The following KCTD14 variants were observed in gnomAD, a reference collection of about 807,000 sequenced individuals.
The protein encoded by KCTD14 is potassium channel tetramerization domain containing 14.
Under a neutral mutation model 5.9 loss-of-function variants are expected in KCTD14, and 7 were observed. That is an observed-to-expected ratio of 1.19 (90% CI 0.68 to 2.23). The LOEUF is 2.23. Among genes scored for constraint, KCTD14 ranks in the 30% most tolerant of loss-of-function variants. The probability of loss-of-function intolerance (pLI) is 0.00; values close to 1 mark genes in which losing one functional copy is unlikely to be tolerated. For missense variants in KCTD14, 342 were observed against 332.2 expected (o/e 1.03, Z -0.23); for synonymous variants, 140 against 133.1 (o/e 1.05, Z -0.36).
intron 1 of KCTD14, among the ~76,000 whole-genome samples, chr11:78,019,623 A>C (rs931118956): frequency 2.0e-5 from 3 of 152,184 alleles, no homozygotes; most frequent in Non-Finnish European, 2.9e-5. Context: ...AGCAAAAATG[A>C]AATTTGTTTG....
At chr11:78,028,599 T>C (rs76536655) in intron 2 of KCTD14, among the ~76,000 whole-genome samples, 9,903 of 117,508 alleles carry the variant, frequency 0.084, 1,154 homozygotes, top group African/African-American at 0.29. Flanking sequence ...CAAGTGTCCA[T>C]CTCAAAAAAA....
At chr11:78,036,844 T>C (rs1002694385) in intron 2 of KCTD14, among the ~76,000 whole-genome samples, 24 of 152,350 alleles carry the variant, frequency 1.6e-4, no homozygotes, top group Admixed American at 1.3e-3. Context: ...GGCTGCTACA[T>C]GCTAGGCCCC....
chr11:78,045,755 C>T (rs941585960), intron 1 of KCTD14, among the ~76,000 whole-genome samples: 1 of 152,062 alleles, frequency 6.6e-6, no homozygotes, highest in Admixed American at 6.6e-5. Context: ...GGAGACAGCC[C>T]CTCTTTATAA....
intron 1 of KCTD14, chr11:78,022,895 G>A (rs7945074): frequency 1.3e-5 from 6 of 469,828 alleles, no homozygotes; most frequent in Non-Finnish European, 2.3e-5. Flanking sequence ...CCAATGTAGA[G>A]GGAGGAAGCA....
At chr11:78,025,598 C>T (rs540431919), upstream of KCTD14, among the ~76,000 whole-genome samples, 18 of 152,298 alleles carry the variant, frequency 1.2e-4, no homozygotes, top group African/African-American at 2.4e-4. Flanking sequence ...AGGCTGAGTT[C>T]CCTTATGAGG....
chr11:78,017,110 G>A lies in KCTD14; in HGVS notation c.251C>T (p.Thr84Ile). ...GTAGTCCAGGATGGGTCTGAAATAG[G>A]TGCTGGGGCGGTCGATGAAGAAGCG... ...EGRFFIDRPS[T>I]YFRPILDYLR... Residue 84 changes from threonine (T) to isoleucine (I), a missense_variant, in exon 2 of 2, where the codon ACC becomes ATC. Transcript: ENST00000353172. 3.1e-6 allele frequency: 5 copies of A among 1,614,182 alleles called. No individual in the cohort carries two copies. Among genetic ancestry groups the A allele is most frequent in the Non-Finnish European group, 4.2e-6 (5 of 1,180,032 alleles).
chr11:78,019,250 G>C (rs1375241893), intron 1 of KCTD14, among the ~76,000 whole-genome samples: 2 of 152,144 alleles, frequency 1.3e-5, no homozygotes, highest in East Asian at 3.8e-4. Context: ...CTGACCTCAA[G>C]TGATCTGCCC....
At chr11:78,041,761 C>T (rs2136761551) in intron 1 of KCTD14, among the ~76,000 whole-genome samples, 1 of 152,380 alleles carries the variant, frequency 6.6e-6, no homozygotes, top group South Asian at 2.1e-4. Flanking sequence ...AGGGTGTCCT[C>T]TGTGCTCCTG....
chr11:78,016,368 T>A lies in KCTD14; in HGVS notation c.*225A>T, dbSNP rs1030792940. On this transcript the variant is annotated 3_prime_UTR_variant, in exon 2 of 2. Transcript: ENST00000353172. Reference sequence around the variant, plus strand: ...TCAAGAGAAGGGTCTGGGAGATACATGAGGCTTTGAAAAGGAAGTAGCTGC... The same window carrying A: ...TCAAGAGAAGGGTCTGGGAGATACAAGAGGCTTTGAAAAGGAAGTAGCTGC... 4 of 580,036 alleles carry A rather than the reference T, an allele frequency of 6.9e-6. No individual in the cohort carries two copies. Among genetic ancestry groups the A allele is most frequent in the Non-Finnish European group, 1.2e-5 (4 of 327,296 alleles). The allele number at this position is 580,036 out of a possible 1,614,324, so 35.9% of individuals were successfully genotyped here. A position where few individuals can be genotyped will look rare whatever the true frequency, so the allele number is the denominator to read the frequency against.
Position 78,028,408 on chromosome 11 carries a change from G to A in KCTD14, c.-1+10256C>T, listed in dbSNP as rs570607333. On this transcript the variant is annotated intron_variant, in intron 2 of 2. Coordinates refer to the KCTD14 transcript ENST00000533144. ...TCATGAGGTCAAGAGTTCAATACCAGCCTGGCCAGCATAGTGAAACCCCAT... is the reference window on the plus strand; with the variant it reads ...TCATGAGGTCAAGAGTTCAATACCAACCTGGCCAGCATAGTGAAACCCCAT... Among the ~76,000 whole-genome samples the A allele has an allele frequency of 1.4e-4, 21 of 152,170 alleles. No homozygotes were observed. In the East Asian group the frequency reaches 3.7e-3, roughly 27 times the overall value.
intron 1 of KCTD14, among the ~76,000 whole-genome samples, chr11:78,020,666 C>G (rs553344222): frequency 1.3e-5 from 2 of 152,336 alleles, no homozygotes; most frequent in East Asian, 3.9e-4. Context: ...CCACTGAAAG[C>G]TCTCAGGTCC....
chr11:78,023,133 C>A, intron 1 of KCTD14, 27 bp downstream of exon 1: 1 of 1,446,794 alleles, frequency 6.9e-7, no homozygotes, highest in Non-Finnish European at 9.5e-7. Flanking sequence ...GACAGAGGCG[C>A]GGGGACGCAG....
chr11:78,023,480 T>C (rs1857363216), upstream of KCTD14: 2 of 519,528 alleles, frequency 3.8e-6, no homozygotes, highest in East Asian at 3.5e-5. Context: ...ACTGACCTTT[T>C]GATATAGATT....
At chr11:78,045,884 A>T (rs998007747) in intron 1 of KCTD14, among the ~76,000 whole-genome samples, 5 of 151,868 alleles carry the variant, frequency 3.3e-5, no homozygotes, top group African/African-American at 9.7e-5. Flanking sequence ...CCCCCACCCC[A>T]CCCAGGAAGA....
chr11:78,044,587 A>G (rs1207691329), intron 1 of KCTD14, among the ~76,000 whole-genome samples: 1 of 152,214 alleles, frequency 6.6e-6, no homozygotes, highest in Non-Finnish European at 1.5e-5. Context: ...CATGCCGCAC[A>G]GGAGACGGAG....
chr11:78,019,247 C>T (rs1857252015), intron 1 of KCTD14, among the ~76,000 whole-genome samples: 1 of 152,146 alleles, frequency 6.6e-6, no homozygotes, highest in South Asian at 2.1e-4. Flanking sequence ...CTCCTGACCT[C>T]AAGTGATCTG....
At chr11:78,029,387 T>A (rs1857555783) in intron 2 of KCTD14, among the ~76,000 whole-genome samples, 1 of 152,146 alleles carries the variant, frequency 6.6e-6, no homozygotes, top group South Asian at 2.1e-4. Context: ...ATGGGCACCC[T>A]ATTTACTGCT....
chr11:78,040,726 A>C (rs933394341), intron 1 of KCTD14, among the ~76,000 whole-genome samples: 5 of 151,722 alleles, frequency 3.3e-5, no homozygotes, highest in Admixed American at 2.6e-4. Context: ...TCTGCAGTGC[A>C]ATGGCGTGAT....
upstream of KCTD14, among the ~76,000 whole-genome samples, chr11:78,025,494 A>G (rs903159982): frequency 1.3e-5 from 2 of 152,162 alleles, no homozygotes; most frequent in African/African-American, 4.8e-5. Context: ...CCCAGGATCA[A>G]TACTTTGTGT....
Sources: gnomAD v4.1 joint callset for allele counts (sites outside exome capture counted in the v4.1 genomes callset) on GRCh38, gnomAD v4.1.1 for gene constraint, MANE v1.5 for transcripts, NCBI Gene and HGNC (gene_info 2026-07-23, HGNC 2026-07-21) for gene names.